The following CYYR1 variants were observed in gnomAD, a reference collection of about 807,000 sequenced individuals.
CYYR1 encodes cysteine and tyrosine-rich protein 1.
Under a neutral mutation model 15.2 loss-of-function variants are expected in CYYR1, and 14 were observed. The observed-to-expected ratio is 0.92, with a 90% CI of 0.61 to 1.44. CYYR1 has a LOEUF of 1.44. Among genes scored for constraint, CYYR1 ranks in the 40% most tolerant of loss-of-function variants. CYYR1 has a pLI of 0.00. For synonymous variants in CYYR1, 80 were observed against 77.4 expected (o/e 1.03, Z -0.18); for missense variants, 228 against 209.5 (o/e 1.09, Z -0.54).
chr21:26,479,502 T>C (rs557124233), intron 3 of CYYR1, among the ~76,000 whole-genome samples: 1 of 152,290 alleles, frequency 6.6e-6, no homozygotes, highest in East Asian at 1.9e-4. Flanking sequence ...AAATTGTACA[T>C]GCACAGATTG....
At chr21:26,548,324 T>G (rs1179123093) in intron 2 of CYYR1, among the ~76,000 whole-genome samples, 1 of 152,056 alleles carries the variant, frequency 6.6e-6, no homozygotes, top group Non-Finnish European at 1.5e-5. Flanking sequence ...CAATGAAATG[T>G]TTTTTGGTAA....
At chr21:26,493,571 A>C (rs2065356647) in intron 2 of CYYR1, among the ~76,000 whole-genome samples, 1 of 152,156 alleles carries the variant, frequency 6.6e-6, no homozygotes, top group Admixed American at 6.6e-5. Context: ...GACACTCCTA[A>C]TATTTAAAAG....
At chr21:26,495,501 T>C (rs2123458289) in intron 2 of CYYR1, among the ~76,000 whole-genome samples, 1 of 152,286 alleles carries the variant, frequency 6.6e-6, no homozygotes, top group Non-Finnish European at 1.5e-5. Context: ...CCAACTGCAT[T>C]GGAGGGTTGT....
intron 2 of CYYR1, among the ~76,000 whole-genome samples, chr21:26,518,869 G>A (rs924610846): frequency 6.6e-6 from 1 of 152,132 alleles, no homozygotes; most frequent in African/African-American, 2.4e-5. Flanking sequence ...CTGAAATTAG[G>A]CAGTAATTTA....
chr21:26,494,103 C>A (rs2065362488), intron 2 of CYYR1, among the ~76,000 whole-genome samples: 1 of 152,106 alleles, frequency 6.6e-6, no homozygotes, highest in Non-Finnish European at 1.5e-5. Context: ...CAGACAATGC[C>A]CGAGGTTCCC....
In CYYR1 at chr21:26,476,959, G is replaced by C. The variant is rs527435204; in HGVS notation, c.334+3313C>G. ...AAAAATAATTGCAATTAAAGAGGAC[G>C]TCTGTTCATTCTACCCAATATGGCA... On this transcript the variant is annotated intron_variant, in intron 3 of 3. Transcript: ENST00000652641. Among the ~76,000 whole-genome samples the C allele has an allele frequency of 7.9e-5, 12 of 152,208 alleles. No individual in the cohort carries two copies. In the South Asian group the frequency reaches 2.5e-3, roughly 32 times the overall value.
At chr21:26,524,494 A>ACTTT (rs1332438811) in intron 2 of CYYR1, among the ~76,000 whole-genome samples, 1 of 152,220 alleles carries the variant, frequency 6.6e-6, no homozygotes, top group Non-Finnish European at 1.5e-5. Context: ...TCAGCAACAA[A>ACTTT]CTGTACAAGA....
intron 2 of CYYR1, among the ~76,000 whole-genome samples, chr21:26,498,115 G>A (rs1233288670): frequency 1.3e-5 from 2 of 152,186 alleles, no homozygotes; most frequent in Non-Finnish European, 2.9e-5. Context: ...TACAGATGAA[G>A]TACCTAGTCA....
chr21:26,559,170 G>C (rs1387995170), intron 2 of CYYR1, among the ~76,000 whole-genome samples: 1 of 152,060 alleles, frequency 6.6e-6, no homozygotes, highest in East Asian at 1.9e-4. Flanking sequence ...GGTATGAGAC[G>C]GTATTTCAAT....
At chr21:26,539,934 T>C (rs1978430680) in intron 2 of CYYR1, among the ~76,000 whole-genome samples, 1 of 152,192 alleles carries the variant, frequency 6.6e-6, no homozygotes, top group South Asian at 2.1e-4. Context: ...CCTCTCATAA[T>C]AGCATATCTC....
intron 2 of CYYR1, among the ~76,000 whole-genome samples, chr21:26,505,629 T>C (rs2065548323): frequency 6.6e-6 from 1 of 152,200 alleles, no homozygotes; most frequent in East Asian, 1.9e-4. Context: ...CTTATCATTA[T>C]TATCAAGTTA....
chr21:26,546,391 C>T (rs931711321), intron 2 of CYYR1, among the ~76,000 whole-genome samples: 4 of 152,208 alleles, frequency 2.6e-5, no homozygotes, highest in African/African-American at 9.6e-5. Flanking sequence ...TTTGATCACA[C>T]ATTCATGTTG....
At chr21:26,508,837 G>A (rs1196775506) in intron 2 of CYYR1, among the ~76,000 whole-genome samples, 2 of 152,110 alleles carry the variant, frequency 1.3e-5, no homozygotes, top group Non-Finnish European at 2.9e-5. Context: ...GCAGCTTAAG[G>A]TATTAGGAAA....
At chr21:26,522,219 A>C (rs549594463) in intron 2 of CYYR1, among the ~76,000 whole-genome samples, 1 of 152,326 alleles carries the variant, frequency 6.6e-6, no homozygotes, top group East Asian at 1.9e-4. Flanking sequence ...ATTTTTTAGA[A>C]GTTTACAGAA....
intron 2 of CYYR1, among the ~76,000 whole-genome samples, chr21:26,505,730 A>C (rs993588697): frequency 1.3e-5 from 2 of 152,240 alleles, no homozygotes; most frequent in Admixed American, 6.5e-5. Context: ...TGTTTAACAA[A>C]ATGAAAGGAA....
intron 2 of CYYR1, among the ~76,000 whole-genome samples, chr21:26,515,522 G>A (rs751755922): frequency 2.6e-5 from 4 of 151,906 alleles, no homozygotes; most frequent in African/African-American, 4.8e-5. Context: ...CATCATGCCC[G>A]GCTAATTTTT....
At chr21:26,528,368 C>T (rs1434005441) in intron 2 of CYYR1, among the ~76,000 whole-genome samples, 2 of 152,100 alleles carry the variant, frequency 1.3e-5, no homozygotes, top group South Asian at 2.1e-4. Context: ...GCAGGTCCCT[C>T]AGGAATGGCT....
chr21:26,543,734 C>T (rs1030422314), intron 2 of CYYR1, among the ~76,000 whole-genome samples: 3 of 152,018 alleles, frequency 2.0e-5, no homozygotes, highest in African/African-American at 7.2e-5. Flanking sequence ...GGTAAAACCC[C>T]GTCTCTATTA....
chr21:26,474,051 T>A (rs1027650311), intron 3 of CYYR1, among the ~76,000 whole-genome samples: 1 of 145,970 alleles, frequency 6.9e-6, no homozygotes, highest in Non-Finnish European at 1.5e-5. Context: ...TGTTTTCGTT[T>A]TTTTTTTTTT....
Sources: gnomAD v4.1 joint callset for allele counts (sites outside exome capture counted in the v4.1 genomes callset) on GRCh38, gnomAD v4.1.1 for gene constraint, MANE v1.5 for transcripts, NCBI Gene and HGNC (gene_info 2026-07-23, HGNC 2026-07-21) for gene names.